The following GPR26 variants were observed in gnomAD, a reference collection of about 807,000 sequenced individuals.
GPR26 encodes G protein-coupled receptor 26.
In GPR26, 15 loss-of-function variants were observed where a neutral mutation model predicts 23.1. The observed-to-expected ratio is 0.65, with a 90% CI of 0.43 to 1.00. GPR26 has a LOEUF of 1.00. Ranked by LOEUF, GPR26 falls within the 50% of genes least tolerant of loss-of-function variation. The probability of loss-of-function intolerance (pLI) is 0.00; values close to 1 mark genes in which losing one functional copy is unlikely to be tolerated. For synonymous variants in GPR26, 228 were observed against 222.1 expected (o/e 1.03, Z -0.24); for missense variants, 359 against 470.5 (o/e 0.76, Z 2.19).
intron 2 of GPR26, among the ~76,000 whole-genome samples, chr10:123,679,583 C>G (rs1422708425): frequency 6.6e-6 from 1 of 151,910 alleles, no homozygotes; most frequent in Admixed American, 6.6e-5. Context: ...CATCCCAACC[C>G]ATTTTACTGC....
chr10:123,678,040 T>C lies in GPR26; in HGVS notation c.782+3109T>C, dbSNP rs182419040. On this transcript the variant is annotated intron_variant, in intron 2 of 2. Transcript: ENST00000284674. ...TGGGAGGATTACTTGAGGCCAGGGG[T>C]TTGAGACCAGTCAGGGCAACATAGT... Among the ~76,000 whole-genome samples, 474 of 152,252 alleles carry C rather than the reference T, an allele frequency of 3.1e-3. 7 individuals carry two copies. The highest frequency in any genetic ancestry group is 0.011 in the African/African-American group (442 of 41,538).
At chr10:123,667,944 C>T (rs1845206740) in intron 1 of GPR26, among the ~76,000 whole-genome samples, 1 of 152,180 alleles carries the variant, frequency 6.6e-6, no homozygotes, top group Admixed American at 6.5e-5. Context: ...AATAGGAAAT[C>T]GAGGAGGGAA....
rs764196770 is a variant in GPR26 at position 123,674,971 on chromosome 10, G to A, written c.782+40G>A. Reference sequence around the variant, plus strand: ...CAGGTGTGTCTTGGGACTTTGAAGAGTAAGGCAGGGCCCAGTGACCTTTAG... The same window carrying A: ...CAGGTGTGTCTTGGGACTTTGAAGAATAAGGCAGGGCCCAGTGACCTTTAG... On this transcript the variant is annotated intron_variant, in intron 2 of 2. Transcript: ENST00000284674. This position sits in a 1 kb window ranked among gnomAD's most constrained non-coding sequence, Gnocchi z 4.1. 1.6e-6 allele frequency: 2 copies of A among 1,262,038 alleles called. No individual in the cohort carries two copies. The highest frequency in any genetic ancestry group is 2.3e-6 in the Non-Finnish European group (2 of 866,956). The allele number at this position is 1,262,038 out of a possible 1,614,324, so 78.2% of individuals were successfully genotyped here.
intron 2 of GPR26, among the ~76,000 whole-genome samples, chr10:123,679,942 G>A (rs1026859815): frequency 2.0e-5 from 3 of 152,230 alleles, no homozygotes; most frequent in African/African-American, 7.2e-5. Context: ...TGCAGCCCTG[G>A]GGCAGGCAGA....
chr10:123,673,151 T>C (rs1337232786), intron 1 of GPR26, among the ~76,000 whole-genome samples: 2 of 152,178 alleles, frequency 1.3e-5, no homozygotes, highest in African/African-American at 4.8e-5. Flanking sequence ...CCAACTCCAG[T>C]TCTCAACTCT....
intron 2 of GPR26, among the ~76,000 whole-genome samples, chr10:123,687,034 T>C (rs1845437075): frequency 6.6e-6 from 1 of 152,004 alleles, no homozygotes; most frequent in African/African-American, 2.4e-5. Flanking sequence ...AGGGTAGAAT[T>C]CTGTTGAAGG....
chr10:123,672,037 G>A (rs1845257776), intron 1 of GPR26, among the ~76,000 whole-genome samples: 1 of 152,156 alleles, frequency 6.6e-6, no homozygotes, highest in African/African-American at 2.4e-5. Flanking sequence ...CTCGGAGCCT[G>A]GGGATGGCTC....
intron 2 of GPR26, among the ~76,000 whole-genome samples, chr10:123,685,410 G>T (rs1845421318): frequency 6.6e-6 from 1 of 152,222 alleles, no homozygotes; most frequent in African/African-American, 2.4e-5. Context: ...ATAGCCAGCA[G>T]CCAGCCACGG....
Position 123,678,081 on chromosome 10 carries a change from G to GA in GPR26, c.782+3156dup, listed in dbSNP as rs552849898. ...GCAACATAGTGAGACCTCTTTCTCT[G>GA]AAAAAACATTTAAAATAATAACTAG... is the stretch of plus-strand genomic sequence containing the variant. On this transcript the variant is annotated intron_variant, in intron 2 of 2. Coordinates refer to ENST00000284674, the MANE Select transcript of GPR26 (RefSeq NM_153442.4). 1.9e-4 allele frequency among the ~76,000 whole-genome samples: 29 copies of GA among 152,186 alleles called. No individual in the cohort carries two copies. The South Asian group carries it at 5.4e-3, about 28-fold the overall frequency.
At chr10:123,686,360 A>C (rs1257564803) in intron 2 of GPR26, among the ~76,000 whole-genome samples, 1 of 152,204 alleles carries the variant, frequency 6.6e-6, no homozygotes, top group Non-Finnish European at 1.5e-5. Flanking sequence ...AGATTTCTTT[A>C]AAGTATAGAT....
rs936049926 is a variant in GPR26 at position 123,693,110 on chromosome 10, C to T, written c.*4950C>T. 2.0e-5 allele frequency: 3 copies of T among 152,132 alleles called. No individual in the cohort carries two copies. The highest frequency in any genetic ancestry group is 2.9e-5 in the Non-Finnish European group (2 of 68,042). 9.4% of individuals were successfully genotyped at this position (152,132 alleles called of 1,614,324 possible). ...CTAACACCCATACCCACCAGCTGGG[C>T]GTTGGGACCTCTCCCGTCATATGGC... On this transcript the variant is annotated 3_prime_UTR_variant, in exon 3 of 3. Coordinates refer to ENST00000284674, the MANE Select transcript of GPR26 (RefSeq NM_153442.4).
In GPR26 at chr10:123,674,214, T is replaced by C. The variant is rs1422346739; in HGVS notation, c.669-604T>C. ...CTCAGGTGATCCACCCACTTCGGCC[T>C]CCCAAAGTGCTGGGATTACAGGTGT... On this transcript the variant is annotated intron_variant, in intron 1 of 2. Coordinates refer to ENST00000284674, the MANE Select transcript of GPR26 (RefSeq NM_153442.4). This position sits in a 1 kb window ranked among gnomAD's most constrained non-coding sequence, Gnocchi z 4.1. 1.3e-5 allele frequency among the ~76,000 whole-genome samples: 2 copies of C among 152,154 alleles called. No homozygotes were observed. The highest frequency in any genetic ancestry group is 2.9e-5 in the Non-Finnish European group (2 of 68,024).
rs1845459567 is a variant in GPR26, at chr10:123,688,852, C to G, written c.*692C>G. ...CCCTAAAAGCGAATGTTTGTGTGTG[C>G]AGACAATCTTAGCATGAAAATGGTT... On this transcript the variant is annotated 3_prime_UTR_variant, in exon 3 of 3. Coordinates refer to ENST00000284674, the MANE Select transcript of GPR26 (RefSeq NM_153442.4). The G allele has an allele frequency of 6.5e-6, 1 of 152,854 alleles. No individual in the cohort carries two copies. The allele number at this position is 152,854 out of a possible 1,614,324, so 9.5% of individuals were successfully genotyped here.
At position 123,688,324 on chromosome 10, in the gene GPR26, C is replaced by T; in HGVS notation, c.*164C>T. 1 of 614,078 alleles carries T rather than the reference C, an allele frequency of 1.6e-6. No homozygotes were observed. The highest frequency in any genetic ancestry group is 2.9e-6 in the Non-Finnish European group (1 of 345,902). 38.0% of individuals were successfully genotyped at this position (614,078 alleles called of 1,614,324 possible). On this transcript the variant is annotated 3_prime_UTR_variant, in exon 3 of 3. Transcript: ENST00000284674. ...GGCTCCAGAGCCTGCTTCCTGGTTCCTCAAGGGCAGATATTGGACACTCCT... is the reference window on the plus strand; with the variant it reads ...GGCTCCAGAGCCTGCTTCCTGGTTCTTCAAGGGCAGATATTGGACACTCCT...
At chr10:123,668,965 C>G (rs1037570696) in intron 1 of GPR26, among the ~76,000 whole-genome samples, 6 of 152,234 alleles carry the variant, frequency 3.9e-5, no homozygotes, top group Admixed American at 6.5e-5. Flanking sequence ...ATCCCTCTGG[C>G]CGATGTCAGG....
intron 2 of GPR26, among the ~76,000 whole-genome samples, chr10:123,676,358 C>T (rs1032285715): frequency 2.6e-5 from 4 of 152,118 alleles, no homozygotes; most frequent in Admixed American, 2.0e-4. Context: ...TAAAACTGTC[C>T]GCTAGACCTC....
chr10:123,689,594 C>G lies in GPR26; in HGVS notation c.*1434C>G, dbSNP rs1845470180. The G allele has an allele frequency of 6.6e-6, 1 of 152,058 alleles. No individual in the cohort carries two copies. The highest frequency in any genetic ancestry group is 1.9e-4 in the East Asian group (1 of 5,188). 9.4% of individuals were successfully genotyped at this position (152,058 alleles called of 1,614,324 possible). A position where few individuals can be genotyped will look rare whatever the true frequency, so the allele number is the denominator to read the frequency against. ...CGGGGAGCAATGGAATCAGATGGCT[C>G]ATTCTCTCCTTCCAGCTCTTTACAT... is the stretch of plus-strand genomic sequence containing the variant. On this transcript the variant is annotated 3_prime_UTR_variant, in exon 3 of 3. Coordinates refer to ENST00000284674, the MANE Select transcript of GPR26 (RefSeq NM_153442.4).
In GPR26 at chr10:123,694,818, C is replaced by G. The variant is rs541960244; in HGVS notation, c.*6658C>G. Among the ~76,000 whole-genome samples, 1 of 152,034 alleles carries G rather than the reference C, an allele frequency of 6.6e-6. No individual in the cohort carries two copies. On this transcript the variant is annotated 3_prime_UTR_variant, in exon 3 of 3. Coordinates refer to ENST00000284674, the MANE Select transcript of GPR26 (RefSeq NM_153442.4). The stretch of plus-strand genomic sequence containing the variant: ...AGGAGGAAGGAAAATGAATCTCATT[C>G]ATTTTGAGGGGCATCTTCATTACAC...
chr10:123,666,920 C>G lies in GPR26; in HGVS notation c.513C>G (p.Val171=). 1.2e-6 allele frequency: 2 copies of G among 1,613,404 alleles called. No homozygotes were observed. The highest frequency in any genetic ancestry group is 1.7e-6 in the Non-Finnish European group (2 of 1,179,840). ...CAGACGAGCGCCTGCGCTTCGCCGT[C>G]TTCACTGGCGCCTTCCACGCTCTCA... ...RRPDERLRFA[V]FTGAFHALSF... is the part of the protein sequence containing the mutation. The change falls in exon 1 of 3, where the codon GTC becomes GTG. Residue 171 remains valine (V), a synonymous_variant. Coordinates refer to ENST00000284674, the MANE Select transcript of GPR26 (RefSeq NM_153442.4).
Sources: allele counts gnomAD v4.1 joint callset (sites outside exome capture counted in the v4.1 genomes callset), GRCh38; gene constraint gnomAD v4.1.1; non-coding constraint Gnocchi (gnomAD v3.1); transcripts MANE v1.5; gene names NCBI Gene and HGNC (gene_info 2026-07-23, HGNC 2026-07-21).